COLEC12: variants seen among roughly 807,000 people sequenced by gnomAD.
COLEC12 encodes collectin subfamily member 12.
COLEC12 carries 33 observed loss-of-function variants against 71.1 expected under a neutral mutation model. The observed-to-expected ratio is 0.46, with a 90% CI of 0.35 to 0.62. The LOEUF is 0.62. COLEC12 is among the 20% of genes least tolerant of loss of function. COLEC12 has a pLI of 0.00. For missense variants in COLEC12, 765 were observed against 916.1 expected, an observed-to-expected ratio of 0.84 and a Z score of 2.13; for synonymous variants, 350 against 353.0, an observed-to-expected ratio of 0.99 and a Z score of 0.10.
chr18:372,489 C>A (rs541999708), intron 2 of COLEC12, among the ~76,000 whole-genome samples: 47 of 152,254 alleles, frequency 3.1e-4, no homozygotes, highest in Middle Eastern at 3.4e-3. Flanking sequence ...GTGATCTTGG[C>A]TCACTGCAGC....
intron 2 of COLEC12, among the ~76,000 whole-genome samples, chr18:423,453 G>A (rs959358859): frequency 2.0e-5 from 3 of 151,756 alleles, no homozygotes; most frequent in African/African-American, 7.3e-5. Flanking sequence ...TAACAAAATA[G>A]CCTCAAAAAT....
At chr18:331,820 C>G (rs760991542) in intron 7 of COLEC12, 43 bp from the exon 8 acceptor site, 2 of 1,153,280 alleles carry the variant, frequency 1.7e-6, no homozygotes, top group South Asian at 1.2e-5. Context: ...TTTTTCAGAA[C>G]AGATGTCTCA....
chr18:393,907 T>C (rs1212693582), intron 2 of COLEC12, among the ~76,000 whole-genome samples: 14 of 152,202 alleles, frequency 9.2e-5, no homozygotes, highest in Non-Finnish European at 1.5e-4. Context: ...AGCACCAACA[T>C]GAAGGAAACT....
intron 8 of COLEC12, among the ~76,000 whole-genome samples, chr18:331,062 T>G (rs34111746): frequency 6.6e-6 from 1 of 151,448 alleles, no homozygotes; most frequent in Non-Finnish European, 1.5e-5. Flanking sequence ...GTTTTTTTTG[T>G]TTTTTTAGTA....
At position 317,707 on chromosome 18, in the gene COLEC12, G is replaced by T. The variant is rs1243252755; in HGVS notation, c.*2338C>A. 3 of 152,228 alleles carry T rather than the reference G, an allele frequency of 2.0e-5. No individual in the cohort carries two copies. Among genetic ancestry groups the T allele is most frequent in the African/African-American group, 4.8e-5 (2 of 41,456 alleles). 9.4% of individuals were successfully genotyped at this position (152,228 alleles called of 1,614,324 possible). On this transcript the variant is annotated 3_prime_UTR_variant, in exon 10 of 10. Transcript: ENST00000400256. ...ATTTTAATTGACACTTGAAAACCAG[G>T]AAGAGCATGAAAAAGAGGACTCAGT...
intron 1 of COLEC12, among the ~76,000 whole-genome samples, chr18:486,736 G>A (rs1240040403): frequency 6.6e-6 from 1 of 152,122 alleles, no homozygotes; most frequent in Non-Finnish European, 1.5e-5. Flanking sequence ...TAGGAATTTG[G>A]GAATAAAGGT....
chr18:357,343 CTTAAA>C (rs1290194119), intron 3 of COLEC12, 52 bp downstream of exon 3: 169 of 1,525,244 alleles, frequency 1.1e-4, no homozygotes, highest in Non-Finnish European at 5.7e-5. Context: ...TTTTCTCATG[CTTAAA>C]TTAATGAAGG....
intron 2 of COLEC12, among the ~76,000 whole-genome samples, chr18:478,211 GAGTT>G (rs1461471584): frequency 6.6e-6 from 1 of 152,088 alleles, no homozygotes; most frequent in Non-Finnish European, 1.5e-5. Flanking sequence ...ATTATCCTGA[GAGTT>G]AGAAGATCCA....
At position 500,400 on chromosome 18, in the gene COLEC12, G is replaced by T; in HGVS notation, c.7+108C>A. 1 of 620,520 alleles carries T rather than the reference G, an allele frequency of 1.6e-6. No homozygotes were observed. Among genetic ancestry groups the T allele is most frequent in the East Asian group, 6.9e-5 (1 of 14,564 alleles). 38.4% of individuals were successfully genotyped at this position (620,520 alleles called of 1,614,324 possible). On this transcript the variant is annotated intron_variant, in intron 1 of 9. Coordinates refer to ENST00000400256, the MANE Select transcript of COLEC12 (RefSeq NM_130386.3). The surrounding 1 kb of genome is among the most constrained non-coding windows in gnomAD (Gnocchi z 5.3). ...CGCCCTGGCAGCCCCGACTCCCCGG[G>T]CCCGCAGCCCAAGGGAAGGTTCGCG...
At chr18:360,352 T>C (rs1025093159) in intron 2 of COLEC12, among the ~76,000 whole-genome samples, 2 of 151,896 alleles carry the variant, frequency 1.3e-5, no homozygotes, top group African/African-American at 4.8e-5. Context: ...ACGGCTACTT[T>C]TTGTATTTTT....
intron 2 of COLEC12, among the ~76,000 whole-genome samples, chr18:436,428 T>C (rs989356728): frequency 4.1e-5 from 6 of 147,112 alleles, no homozygotes; most frequent in African/African-American, 1.5e-4. Context: ...GGCAGGAGAT[T>C]TCCTGGAATC....
chr18:371,546 C>T (rs558127810), intron 2 of COLEC12, among the ~76,000 whole-genome samples: 5 of 152,220 alleles, frequency 3.3e-5, no homozygotes, highest in South Asian at 2.1e-4. Context: ...TTCTGCTGCA[C>T]AGGCCTAGGG....
chr18:403,697 C>A (rs960343891), intron 2 of COLEC12, among the ~76,000 whole-genome samples: 1 of 152,130 alleles, frequency 6.6e-6, no homozygotes, highest in Non-Finnish European at 1.5e-5. Flanking sequence ...ATTAGGTAAC[C>A]TAAGTGCAGA....
intron 2 of COLEC12, among the ~76,000 whole-genome samples, chr18:380,817 C>T (rs551854850): frequency 3.9e-5 from 6 of 152,250 alleles, no homozygotes; most frequent in Admixed American, 2.6e-4. Context: ...CAGCTTTCAA[C>T]TCAGGCAGAG....
At chr18:495,757 A>AT (rs1486250960) in intron 1 of COLEC12, among the ~76,000 whole-genome samples, 1 of 152,224 alleles carries the variant, frequency 6.6e-6, no homozygotes, top group East Asian at 1.9e-4. Context: ...ACTTGAATGC[A>AT]TTATTAGGGC....
intron 2 of COLEC12, among the ~76,000 whole-genome samples, chr18:414,834 T>C (rs2143642417): frequency 6.6e-6 from 1 of 152,282 alleles, no homozygotes; most frequent in South Asian, 2.1e-4. Context: ...AGGTGCTGCT[T>C]CTCTAGAACT....
chr18:348,102 G>C lies in COLEC12; in HGVS notation c.243C>G (p.Asp81Glu). ...GGTCACTTTCCACTGCTGTGAGCTTGTCATCATAGGTTTGGCGAGATGTTT... is the reference window on the plus strand; with the variant it reads ...GGTCACTTTCCACTGCTGTGAGCTTCTCATCATAGGTTTGGCGAGATGTTT... Reference protein sequence around the residue: ...GMETSRQTYDDKLTAVESDLK... With the variant: ...GMETSRQTYDEKLTAVESDLK... The change falls in exon 4 of 10, where the codon GAC becomes GAG. Residue 81 changes from aspartate to glutamate, a missense_variant. By Grantham distance (45) the Asp-to-Glu change is conservative. Coordinates refer to ENST00000400256, the MANE Select transcript of COLEC12 (RefSeq NM_130386.3). The C allele has an allele frequency of 6.2e-7, 1 of 1,613,858 alleles. No homozygotes were observed. The highest frequency in any genetic ancestry group is 8.5e-7 in the Non-Finnish European group (1 of 1,179,848).
chr18:318,640 G>A lies in COLEC12; in HGVS notation c.*1405C>T, dbSNP rs570186874. 4 of 152,108 alleles carry A rather than the reference G, an allele frequency of 2.6e-5. No individual in the cohort carries two copies. The highest frequency in any genetic ancestry group is 2.0e-4 in the East Asian group (1 of 5,128). 9.4% of individuals were successfully genotyped at this position (152,108 alleles called of 1,614,324 possible). ...CCTGAGTAGCTGGGATTACAGGCAT[G>A]TGCCACTACACCCGGCTAATTTTCT... On this transcript the variant is annotated 3_prime_UTR_variant, in exon 10 of 10. Transcript: ENST00000400256.
rs550560279 is a variant in COLEC12, at chr18:417,918, C to A, written c.59-60396G>T. Among the ~76,000 whole-genome samples the A allele has an allele frequency of 7.9e-4, 121 of 152,266 alleles. 1 individual carries two copies. Among genetic ancestry groups the A allele is most frequent in the Admixed American group, 2.4e-3 (36 of 15,296 alleles). On this transcript the variant is annotated intron_variant, in intron 2 of 9. Coordinates refer to ENST00000400256, the MANE Select transcript of COLEC12 (RefSeq NM_130386.3). Reference sequence around the variant, plus strand: ...TTTGCCTTCCTCTAACCACTTTGGGCGATTCAGTCCTCGGAGGCCTCCCAT... The same window carrying A: ...TTTGCCTTCCTCTAACCACTTTGGGAGATTCAGTCCTCGGAGGCCTCCCAT...
Sources: allele counts gnomAD v4.1 joint callset (sites outside exome capture counted in the v4.1 genomes callset), GRCh38; gene constraint gnomAD v4.1.1; non-coding constraint Gnocchi (gnomAD v3.1); transcripts MANE v1.5; gene names NCBI Gene and HGNC (gene_info 2026-07-23, HGNC 2026-07-21).